The following OPCML variants were observed in gnomAD, a reference collection of about 807,000 sequenced individuals.
OPCML encodes opioid-binding protein/cell adhesion molecule.
A neutral mutation model predicts 37.8 loss-of-function variants in OPCML; 13 were observed. The observed-to-expected ratio is 0.34, with a 90% CI of 0.22 to 0.55. The LOEUF (loss-of-function observed/expected upper bound fraction) is 0.55, where lower values mean the gene tolerates loss of function less well. Ranked by LOEUF, OPCML falls within the 20% of genes least tolerant of loss-of-function variation. OPCML has a pLI of 0.91. For synonymous variants in OPCML, 176 were observed against 168.8 expected, an observed-to-expected ratio of 1.04 and a Z score of -0.33; for missense variants, 341 against 435.6, an observed-to-expected ratio of 0.78 and a Z score of 1.93.
intron 1 of OPCML, among the ~76,000 whole-genome samples, chr11:133,131,125 C>A (rs1949597242): frequency 6.6e-6 from 1 of 152,074 alleles, no homozygotes; most frequent in Admixed American, 6.6e-5. Flanking sequence ...AAGGACAGAG[C>A]AAAAGATGGC....
At chr11:133,275,364 T>C (rs1941963946) in intron 1 of OPCML, among the ~76,000 whole-genome samples, 1 of 152,212 alleles carries the variant, frequency 6.6e-6, no homozygotes, top group Non-Finnish European at 1.5e-5. Flanking sequence ...CTACTTCTTC[T>C]CATCATTAAT....
intron 1 of OPCML, among the ~76,000 whole-genome samples, chr11:133,377,911 T>C (rs758086916): frequency 1.3e-5 from 2 of 152,192 alleles, no homozygotes; most frequent in Admixed American, 6.5e-5. Context: ...CATTACTTCA[T>C]TGGAATGACA....
chr11:133,188,219 T>A lies in OPCML; in HGVS notation c.62-245209A>T, dbSNP rs1938168499. ...CAATTATCATTAGGACTTCATTGAGTTCCTGAGTGCTGTCAAACACTAGAA... is the reference window on the plus strand; with the variant it reads ...CAATTATCATTAGGACTTCATTGAGATCCTGAGTGCTGTCAAACACTAGAA... On this transcript the variant is annotated intron_variant, in intron 1 of 7. Coordinates refer to ENST00000524381, the MANE Select transcript of OPCML (RefSeq NM_001012393.5). Among the ~76,000 whole-genome samples, 5 of 152,324 alleles carry A rather than the reference T, an allele frequency of 3.3e-5. No individual in the cohort carries two copies. The South Asian group carries it at 8.3e-4, about 25-fold the overall frequency.
At chr11:132,461,687 GATAATTT>G (rs1390739898) in intron 4 of OPCML, among the ~76,000 whole-genome samples, 2 of 152,154 alleles carry the variant, frequency 1.3e-5, no homozygotes, top group Admixed American at 6.5e-5. Flanking sequence ...CTCGAGACTG[GATAATTT>G]ATAAAAGAAA....
intron 4 of OPCML, among the ~76,000 whole-genome samples, chr11:132,480,878 A>G (rs2096177569): frequency 1.3e-5 from 2 of 152,132 alleles, no homozygotes; most frequent in African/African-American, 2.4e-5. Context: ...AGCGCTAAAC[A>G]TGGAAAGGAA....
chr11:133,164,483 A>G (rs553336350), intron 1 of OPCML, among the ~76,000 whole-genome samples: 10 of 152,362 alleles, frequency 6.6e-5, no homozygotes, highest in African/African-American at 2.4e-4. Flanking sequence ...GTCCAAGGCC[A>G]TGAGATGGGA....
chr11:133,027,335 C>A (rs1947572685), intron 1 of OPCML, among the ~76,000 whole-genome samples: 1 of 152,142 alleles, frequency 6.6e-6, no homozygotes, highest in South Asian at 2.1e-4. Context: ...AAGTGCTGAG[C>A]AAAATTTAGC....
intron 2 of OPCML, among the ~76,000 whole-genome samples, chr11:132,682,560 C>G (rs181076217): frequency 6.6e-6 from 1 of 152,246 alleles, no homozygotes; most frequent in Admixed American, 6.5e-5. Flanking sequence ...ATGAGAAAGC[C>G]TGTTTAGAAC....
intron 3 of OPCML, among the ~76,000 whole-genome samples, chr11:132,543,128 T>C (rs2096360994): frequency 6.6e-6 from 1 of 152,140 alleles, no homozygotes; most frequent in South Asian, 2.1e-4. Flanking sequence ...ATAAGCAGTA[T>C]TTGGTGGCAT....
At chr11:132,964,223 C>T (rs1329695376) in intron 1 of OPCML, among the ~76,000 whole-genome samples, 3 of 152,184 alleles carry the variant, frequency 2.0e-5, no homozygotes, top group African/African-American at 7.2e-5. Context: ...GTGTCTGAAT[C>T]GTGTTGACTA....
At chr11:132,710,104 C>T (rs898215926) in intron 2 of OPCML, among the ~76,000 whole-genome samples, 2 of 152,094 alleles carry the variant, frequency 1.3e-5, no homozygotes, top group South Asian at 2.1e-4. Context: ...TGTACGCTGG[C>T]GTCATATGTG....
chr11:132,498,510 A>G (rs1053542604), intron 4 of OPCML, among the ~76,000 whole-genome samples: 1 of 152,252 alleles, frequency 6.6e-6, no homozygotes, highest in African/African-American at 2.4e-5. Flanking sequence ...AGAATCATAC[A>G]ACTTTTGAAG....
chr11:132,893,140 A>T (rs991734155), intron 2 of OPCML, among the ~76,000 whole-genome samples: 5 of 152,126 alleles, frequency 3.3e-5, no homozygotes, highest in African/African-American at 1.2e-4. Context: ...TCGTTGTCAC[A>T]GAACTGAACC....
In OPCML at chr11:132,554,883, T is replaced by TTTTTTTTC. The variant is rs1555152136; in HGVS notation, c.380-25698_380-25697insGAAAAAAA. On this transcript the variant is annotated intron_variant, in intron 3 of 7. Transcript: ENST00000524381. ...GTAAAGTTTTTTTTTTTTTTTTTTT[T>TTTTTTTTC]TTTTTTTTCATTAGCTCTATGGTTA... 2.4e-5 allele frequency among the ~76,000 whole-genome samples: 3 copies of TTTTTTTTC among 125,740 alleles called. 1 individual carries two copies. The East Asian group carries it at 1.1e-3, about 44-fold the overall frequency. The allele number at this position is 125,740 out of a possible 152,430, so 82.5% of individuals were successfully genotyped here.
chr11:132,496,883 T>C (rs1450763698), intron 4 of OPCML, among the ~76,000 whole-genome samples: 1 of 152,182 alleles, frequency 6.6e-6, no homozygotes, highest in African/African-American at 2.4e-5. Flanking sequence ...TACAGAGCCT[T>C]CCATAATGAT....
Position 133,258,646 on chromosome 11 carries a change from G to A in OPCML, c.61+273618C>T, listed in dbSNP as rs551217115. ...CCAGTTGCCTTCCTGAGCGTTTGCCGAGCTGGGTCACTGGGGACTGCTGAC... is the reference window on the plus strand; with the variant it reads ...CCAGTTGCCTTCCTGAGCGTTTGCCAAGCTGGGTCACTGGGGACTGCTGAC... On this transcript the variant is annotated intron_variant, in intron 1 of 7. Coordinates refer to ENST00000524381, the MANE Select transcript of OPCML (RefSeq NM_001012393.5). Among the ~76,000 whole-genome samples, 117 of 152,174 alleles carry A rather than the reference G, an allele frequency of 7.7e-4. 1 individual carries two copies. Among genetic ancestry groups the A allele is most frequent in the African/African-American group, 2.4e-3 (101 of 41,508 alleles).
chr11:133,518,341 GTT>G (rs1948327907), intron 1 of OPCML, among the ~76,000 whole-genome samples: 1 of 151,082 alleles, frequency 6.6e-6, no homozygotes, highest in South Asian at 2.1e-4. Flanking sequence ...GTGTGGGTGT[GTT>G]TGTGCTCATA....
chr11:132,558,142 A>G (rs1372006529), intron 3 of OPCML, among the ~76,000 whole-genome samples: 3 of 151,836 alleles, frequency 2.0e-5, no homozygotes, highest in Non-Finnish European at 2.9e-5. Context: ...TTAGACCTTC[A>G]TCTCTTCATA....
chr11:132,465,907 C>T (rs1469769610), intron 4 of OPCML, among the ~76,000 whole-genome samples: 1 of 152,202 alleles, frequency 6.6e-6, no homozygotes, highest in Non-Finnish European at 1.5e-5. Context: ...CTATACCTAT[C>T]TTTAAAGTTG....
Sources: allele counts gnomAD v4.1 joint callset (sites outside exome capture counted in the v4.1 genomes callset), GRCh38; gene constraint gnomAD v4.1.1; transcripts MANE v1.5; gene names NCBI Gene and HGNC (gene_info 2026-07-23, HGNC 2026-07-21).